GRIK4: variants seen among roughly 807,000 people sequenced by gnomAD.
The protein encoded by GRIK4 is glutamate ionotropic receptor kainate type subunit 4.
In GRIK4, 40 loss-of-function variants were observed where a neutral mutation model predicts 104.9. That is an observed-to-expected ratio of 0.38 (90% CI 0.30 to 0.50). The LOEUF is 0.50. GRIK4 is among the 20% of genes least tolerant of loss of function. The probability of loss-of-function intolerance (pLI) is 0.93; values close to 1 mark genes in which losing one functional copy is unlikely to be tolerated. For synonymous variants in GRIK4, 485 were observed against 524.9 expected (o/e 0.92, Z 1.04); for missense variants, 1,047 against 1,308.1 (o/e 0.80, Z 3.08).
At chr11:120,787,168 A>G (rs144062444) in intron 3 of GRIK4, among the ~76,000 whole-genome samples, 95 of 152,120 alleles carry the variant, frequency 6.2e-4, no homozygotes, top group Middle Eastern at 6.8e-3. Flanking sequence ...ACAACAACAA[A>G]AAAAATACGA....
chr11:120,655,941 C>T (rs971933041), intron 2 of GRIK4, among the ~76,000 whole-genome samples: 12 of 152,016 alleles, frequency 7.9e-5, no homozygotes, highest in African/African-American at 2.4e-5. Flanking sequence ...GGCAGATGTG[C>T]GGTCATAAGT....
At chr11:120,602,717 A>G (rs1255515753) in intron 1 of GRIK4, among the ~76,000 whole-genome samples, 2 of 152,028 alleles carry the variant, frequency 1.3e-5, no homozygotes, top group Admixed American at 6.6e-5. Flanking sequence ...TCTTATTAGC[A>G]TTTGAAACAG....
intron 3 of GRIK4, among the ~76,000 whole-genome samples, chr11:120,704,006 C>G (rs541435420): frequency 5.3e-5 from 8 of 152,204 alleles, no homozygotes; most frequent in Non-Finnish European, 7.3e-5. Context: ...GTTTAGATTT[C>G]TGAGTTTCCG....
intron 1 of GRIK4, among the ~76,000 whole-genome samples, chr11:120,653,101 G>T (rs180767770): frequency 6.6e-6 from 1 of 152,036 alleles, no homozygotes; most frequent in Non-Finnish European, 1.5e-5. Flanking sequence ...ATTCATTCAT[G>T]CATGCATGCA....
intron 1 of GRIK4, among the ~76,000 whole-genome samples, chr11:120,650,871 A>G (rs1416595724): frequency 1.3e-5 from 2 of 152,238 alleles, no homozygotes; most frequent in Non-Finnish European, 2.9e-5. Context: ...TTCTACTTCC[A>G]TGATCTCATT....
At chr11:120,709,934 C>T (rs1306507939) in intron 3 of GRIK4, among the ~76,000 whole-genome samples, 1 of 152,218 alleles carries the variant, frequency 6.6e-6, no homozygotes, top group East Asian at 1.9e-4. Context: ...ACATCACTGT[C>T]TGCATCATTG....
At chr11:120,623,125 C>A (rs548400332) in intron 1 of GRIK4, among the ~76,000 whole-genome samples, 59 of 152,208 alleles carry the variant, frequency 3.9e-4, no homozygotes, top group Non-Finnish European at 8.1e-4. Context: ...CCCTTGGAGC[C>A]AGCCCCTGTA....
chr11:120,700,264 CT>C (rs34617192), intron 3 of GRIK4, among the ~76,000 whole-genome samples: 31,601 of 117,022 alleles, frequency 0.27, 2,599 homozygotes, highest in Admixed American at 0.28. Flanking sequence ...TATATTACTA[CT>C]TTTTTTTTTT....
At chr11:120,590,501 C>T (rs567216286) in intron 1 of GRIK4, among the ~76,000 whole-genome samples, 44 of 152,380 alleles carry the variant, frequency 2.9e-4, no homozygotes, top group African/African-American at 9.4e-4. Context: ...CAGGTGCACC[C>T]GGCTGCTGGC....
At chr11:120,759,332 G>A (rs912844270) in intron 3 of GRIK4, among the ~76,000 whole-genome samples, 8 of 152,184 alleles carry the variant, frequency 5.3e-5, no homozygotes, top group Non-Finnish European at 1.2e-4. Flanking sequence ...GAGGCAGGCA[G>A]GGGCCAGGGA....
At chr11:120,626,655 C>A (rs113461944) in intron 1 of GRIK4, among the ~76,000 whole-genome samples, 46 of 152,112 alleles carry the variant, frequency 3.0e-4, no homozygotes, top group Non-Finnish European at 1.5e-5. Context: ...CTAGGCATCC[C>A]GGAGCTCATT....
chr11:120,706,194 G>C (rs1303739076), intron 3 of GRIK4, among the ~76,000 whole-genome samples: 1 of 152,172 alleles, frequency 6.6e-6, no homozygotes, highest in Non-Finnish European at 1.5e-5. Flanking sequence ...GGCTCTCCTA[G>C]GAAGGGGCTG....
intron 1 of GRIK4, among the ~76,000 whole-genome samples, chr11:120,544,205 G>A (rs1397004241): frequency 1.3e-5 from 2 of 152,238 alleles, no homozygotes; most frequent in Non-Finnish European, 2.9e-5. Context: ...TGTGTCTGTG[G>A]CCTTGGTGGT....
At chr11:120,727,116 T>C (rs891055941) in intron 3 of GRIK4, among the ~76,000 whole-genome samples, 6 of 152,104 alleles carry the variant, frequency 3.9e-5, no homozygotes, top group Non-Finnish European at 7.4e-5. Context: ...AATTTGAGGA[T>C]AGGAACTGCA....
At chr11:120,779,124 TTGAC>T (rs1952098890) in intron 3 of GRIK4, among the ~76,000 whole-genome samples, 1 of 152,150 alleles carries the variant, frequency 6.6e-6, no homozygotes, top group Non-Finnish European at 1.5e-5. Flanking sequence ...AAAGATGTGA[TTGAC>T]TGGACATGAT....
rs140204248 is a variant in GRIK4, at chr11:120,672,244, C to T, written c.82+11844C>T. ...CAGCTTGGTCAACATGGTGAAACCC[C>T]GTCTCTACTAAAAATACAAAAATTA... On this transcript the variant is annotated intron_variant, in intron 3 of 20. Coordinates refer to ENST00000527524, the MANE Select transcript of GRIK4 (RefSeq NM_014619.5). Among the ~76,000 whole-genome samples the T allele has an allele frequency of 1.2e-3, 190 of 152,020 alleles. 1 individual carries two copies. Among genetic ancestry groups the T allele is most frequent in the South Asian group, 7.3e-3 (35 of 4,804 alleles).
intron 5 of GRIK4, among the ~76,000 whole-genome samples, chr11:120,816,242 T>C (rs1952954672): frequency 6.6e-6 from 1 of 152,236 alleles, no homozygotes. Context: ...TCCTGGCATC[T>C]TTCCTGGTCC....
chr11:120,839,142 G>A (rs984885695), intron 8 of GRIK4, among the ~76,000 whole-genome samples: 2 of 152,174 alleles, frequency 1.3e-5, no homozygotes, highest in Non-Finnish European at 2.9e-5. Context: ...GTAATGAGTT[G>A]TCTTCTGCAT....
chr11:120,814,418 G>A (rs1952889876), intron 4 of GRIK4, among the ~76,000 whole-genome samples: 1 of 152,112 alleles, frequency 6.6e-6, no homozygotes, highest in African/African-American at 2.4e-5. Flanking sequence ...TGGCCAACAT[G>A]GTGAAACCCC....
Sources: allele counts gnomAD v4.1 joint callset (sites outside exome capture counted in the v4.1 genomes callset), GRCh38; gene constraint gnomAD v4.1.1; transcripts MANE v1.5; gene names NCBI Gene and HGNC (gene_info 2026-07-23, HGNC 2026-07-21).